LRP5: variants seen among roughly 807,000 people sequenced by gnomAD.
LRP5 encodes the protein low-density lipoprotein receptor-related protein 5.
In LRP5, 62 loss-of-function variants were observed where a neutral mutation model predicts 154.1. The ratio of observed to expected loss-of-function variants is 0.40; its 90% confidence interval spans 0.33 to 0.50. The LOEUF is 0.50. LRP5 is among the 20% of genes least tolerant of loss of function. The probability of loss-of-function intolerance (pLI) is 0.55; values close to 1 mark genes in which losing one functional copy is unlikely to be tolerated. For synonymous variants in LRP5, 966 were observed against 1,011.5 expected, an observed-to-expected ratio of 0.96 and a Z score of 0.85; for missense variants, 1,915 against 2,336.7, an observed-to-expected ratio of 0.82 and a Z score of 3.72.
intron 21 of LRP5, among the ~76,000 whole-genome samples, chr11:68,445,363 G>C (rs938217475): frequency 7.2e-5 from 11 of 152,188 alleles, no homozygotes; most frequent in Non-Finnish European, 1.0e-4. Context: ...GCCTCCCAAA[G>C]TGCTAGGTCA....
intron 3 of LRP5, among the ~76,000 whole-genome samples, chr11:68,358,349 A>G (rs1374504011): frequency 6.6e-6 from 1 of 152,156 alleles, no homozygotes; most frequent in Non-Finnish European, 1.5e-5. Context: ...TCCTAAGCTC[A>G]AGGGATCCTT....
chr11:68,373,668 C>A (rs150504165), intron 5 of LRP5, among the ~76,000 whole-genome samples: 24 of 152,376 alleles, frequency 1.6e-4, no homozygotes, highest in African/African-American at 5.5e-4. Context: ...CTCCCCACCC[C>A]CTCCACACAG....
At chr11:68,328,019 A>G (rs2098600666) in intron 1 of LRP5, among the ~76,000 whole-genome samples, 1 of 152,186 alleles carries the variant, frequency 6.6e-6, no homozygotes, top group Non-Finnish European at 1.5e-5. Context: ...CCACATGCAT[A>G]TTTACAACTA....
rs532345542 is a variant in LRP5 at position 68,386,128 on chromosome 11, A to G, written c.1016-188A>G. ...GAAACAAACAGTGCCAGCCTCCCAG[A>G]GGTGTCATGAGGATGAACGAGTGAC... On this transcript the variant is annotated intron_variant, in intron 5 of 22. Transcript: ENST00000294304. The surrounding 1 kb of genome is among the most constrained non-coding windows in gnomAD (Gnocchi z 7.9). Among the ~76,000 whole-genome samples the G allele has an allele frequency of 6.6e-6, 1 of 152,254 alleles. No individual in the cohort carries two copies. Among genetic ancestry groups the G allele is most frequent in the African/African-American group, 2.4e-5 (1 of 41,560 alleles).
rs1419383014 is a variant in LRP5, at chr11:68,386,254, G to A, written c.1016-62G>A. 2 of 1,599,620 alleles carry A rather than the reference G, an allele frequency of 1.3e-6. No homozygotes were observed. Among genetic ancestry groups the A allele is most frequent in the African/African-American group, 2.7e-5 (2 of 74,808 alleles). On this transcript the variant is annotated intron_variant, in intron 5 of 22. Coordinates refer to ENST00000294304, the MANE Select transcript of LRP5 (RefSeq NM_002335.4). This position sits in a 1 kb window ranked among gnomAD's most constrained non-coding sequence, Gnocchi z 7.9. The stretch of plus-strand genomic sequence containing the variant: ...TATTTCCCTTGCCCGGCCCACCCCA[G>A]GCCTAGACTTGTGCCTGCTGCAGGC...
intron 2 of LRP5, among the ~76,000 whole-genome samples, chr11:68,357,125 C>T (rs59407682): frequency 0.029 from 4,355 of 151,972 alleles, 154 homozygotes; most frequent in African/African-American, 0.076. Context: ...TTAGTAGGGA[C>T]GGGGTTTCAC....
chr11:68,360,659 A>G lies in LRP5; in HGVS notation c.686+2812A>G, dbSNP rs557176734. Among the ~76,000 whole-genome samples the G allele has an allele frequency of 4.4e-3, 668 of 152,324 alleles. 8 individuals carry two copies. Among genetic ancestry groups the G allele is most frequent in the Non-Finnish European group, 6.2e-3 (425 of 68,030 alleles). ...TTCTGGCTGAGGCAGAGCATGGCCC[A>G]GGGAGCAACCGAGAGTGATGGGCCT... On this transcript the variant is annotated intron_variant, in intron 3 of 22. Coordinates refer to ENST00000294304, the MANE Select transcript of LRP5 (RefSeq NM_002335.4).
intron 2 of LRP5, 72 bp downstream of exon 2, chr11:68,348,315 G>A: frequency 6.3e-7 from 1 of 1,583,512 alleles, no homozygotes; most frequent in East Asian, 2.2e-5. Context: ...GAATTTGCAT[G>A]AGCCCAAGTT....
At position 68,433,539 on chromosome 11, in the gene LRP5, C is replaced by T. The variant is rs12417014; in HGVS notation, c.3764-63C>T. 105,537 of 1,405,346 alleles carry T rather than the reference C, an allele frequency of 0.075. 4,679 individuals carry two copies. Among genetic ancestry groups the T allele is most frequent in the African/African-American group, 0.17 (12,372 of 71,200 alleles). 87.1% of individuals were successfully genotyped at this position (1,405,346 alleles called of 1,614,324 possible). A position where few individuals can be genotyped will look rare whatever the true frequency, so the allele number is the denominator to read the frequency against. ...CAACTTCTGCTTTGAAGCCCAGTCA[C>T]GCCATTGCCTGGGTTTTGCTGGGCG... is the stretch of plus-strand genomic sequence containing the variant. On this transcript the variant is annotated intron_variant, in intron 17 of 22. Transcript: ENST00000294304.
chr11:68,446,836 G>A, intron 22 of LRP5: 1 of 416,496 alleles, frequency 2.4e-6, no homozygotes, highest in East Asian at 5.3e-5. Flanking sequence ...GGGGCCGGGG[G>A]CTTGGGCTCC....
chr11:68,307,451 G>A, the LRP5 span, among the ~76,000 whole-genome samples: 44,105 of 151,778 alleles, frequency 0.29, 7,396 homozygotes, highest in South Asian at 0.57. Context: ...GATTGCTTAA[G>A]CCCTGGAGTT....
intron 16 of LRP5, among the ~76,000 whole-genome samples, chr11:68,426,423 CTTTT>C (rs58093101): frequency 1.5e-5 from 2 of 130,392 alleles, no homozygotes; most frequent in Non-Finnish European, 1.6e-5. Context: ...AACACCAACT[CTTTT>C]TTTTTTTTTT....
At chr11:68,428,844 G>A (rs185678379) in intron 16 of LRP5, among the ~76,000 whole-genome samples, 2 of 120,700 alleles carry the variant, frequency 1.7e-5, no homozygotes, top group African/African-American at 6.5e-5. Context: ...ACTTTAGGAA[G>A]CTGAAGCGGG....
intron 1 of LRP5, among the ~76,000 whole-genome samples, chr11:68,327,608 G>C (rs1229668638): frequency 6.6e-6 from 1 of 152,180 alleles, no homozygotes; most frequent in Admixed American, 6.5e-5. Flanking sequence ...CTTGTGCCCA[G>C]TCTCCCCATC....
chr11:68,386,423 G>T lies in LRP5; in HGVS notation c.1123G>T (p.Ala375Ser), dbSNP rs750784979. Reference sequence around the variant, plus strand: ...GCTGCAGGTGGACGACATCCGGCACGCCATTGCCATCGACTACGACCCGCT... The same window carrying T: ...GCTGCAGGTGGACGACATCCGGCACTCCATTGCCATCGACTACGACCCGCT... ...IVLQVDDIRH[A>S]IAIDYDPLEG... is the part of the protein sequence containing the mutation. The change falls in exon 6 of 23, where the codon GCC (alanine) becomes TCC (serine). Residue 375 changes from alanine to serine, a missense_variant. By Grantham distance (99) the Ala-to-Ser change is moderately conservative. Transcript: ENST00000294304. The surrounding 1 kb of genome is among the most constrained non-coding windows in gnomAD (Gnocchi z 7.9). 6 of 1,614,048 alleles carry T rather than the reference G, an allele frequency of 3.7e-6. No individual in the cohort carries two copies. The highest frequency in any genetic ancestry group is 4.2e-6 in the Non-Finnish European group (5 of 1,180,040).
intron 4 of LRP5, 79 bp from the exon 5 acceptor site, chr11:68,365,492 G>A (rs2098630461): frequency 4.4e-6 from 7 of 1,606,296 alleles, no homozygotes; most frequent in Non-Finnish European, 1.7e-6. Context: ...CACGGGGGAC[G>A]AGGCAGGATG....
intron 2 of LRP5, among the ~76,000 whole-genome samples, chr11:68,348,706 G>A (rs1205681703): frequency 6.6e-6 from 1 of 152,250 alleles, no homozygotes; most frequent in Non-Finnish European, 1.5e-5. Context: ...CACTCTGGGA[G>A]GCCAAGGCGG....
intron 1 of LRP5, among the ~76,000 whole-genome samples, chr11:68,320,315 C>T (rs1480190851): frequency 2.0e-5 from 3 of 152,150 alleles, no homozygotes; most frequent in Non-Finnish European, 4.4e-5. Context: ...TTCTTTGGTC[C>T]AGTTTGGTTA....
Position 68,438,616 on chromosome 11 carries a change from A to T in LRP5, c.4282A>T (p.Ser1428Cys). 1 of 1,613,696 alleles carries T rather than the reference A, an allele frequency of 6.2e-7. No homozygotes were observed. The highest frequency in any genetic ancestry group is 8.5e-7 in the Non-Finnish European group (1 of 1,179,972). Residue 1428 changes from serine to cysteine, a missense_variant, in exon 20 of 23, where the codon AGC (serine) becomes TGC (cysteine). By Grantham distance (112) the Ser-to-Cys change is moderately radical (BLOSUM62 -1). This residue lies in a region of LRP5 where 1,094 missense variants were observed against 1,210.1 expected (regional missense o/e 0.90). Transcript: ENST00000294304. ...CGGGCCCTTCCCGCACGAGTATGTC[A>T]GCGGGACCCCGCACGTGCCCCTCAA... is the stretch of plus-strand genomic sequence containing the variant. ...ANGPFPHEYV[S>C]GTPHVPLNFI...
Sources: gnomAD v4.1 joint callset for allele counts (sites outside exome capture counted in the v4.1 genomes callset) on GRCh38, gnomAD v4.1.1 for gene constraint, gnomAD v4.1.1 regional missense constraint, Gnocchi (gnomAD v3.1) non-coding constraint, MANE v1.5 for transcripts, NCBI Gene and HGNC (gene_info 2026-07-23, HGNC 2026-07-21) for gene names.